The following PCDHA9 variants were observed in gnomAD, a reference collection of about 807,000 sequenced individuals.
PCDHA9 encodes protocadherin alpha-9.
A neutral mutation model predicts 62.0 loss-of-function variants in PCDHA9; 62 were observed. That is an observed-to-expected ratio of 1.00 (90% CI 0.81 to 1.23). PCDHA9 has a LOEUF of 1.23. Ranked by LOEUF, PCDHA9 falls within the 50% of genes most tolerant of loss-of-function variation. PCDHA9 has a pLI of 0.00. For missense variants in PCDHA9, 1,205 were observed against 1,249.8 expected, an observed-to-expected ratio of 0.96 and a Z score of 0.54; for synonymous variants, 557 against 567.6, an observed-to-expected ratio of 0.98 and a Z score of 0.27.
In PCDHA9 at chr5:140,848,617, A is replaced by G; in HGVS notation, c.122A>G (p.His41Arg). The G allele has an allele frequency of 4.4e-6, 7 of 1,593,554 alleles. 2 individuals carry two copies. Among genetic ancestry groups the G allele is most frequent in the Non-Finnish European group, 6.0e-6 (7 of 1,163,964 alleles). The change falls in exon 1 of 4, where the codon CAC (histidine) becomes CGC (arginine). Residue 41 changes from histidine (H) to arginine (R), a missense_variant. Coordinates refer to ENST00000532602, the MANE Select transcript of PCDHA9 (RefSeq NM_031857.2). ...LHYSVPEEAE[H>R]GTFVGRIAQD... is the part of the protein sequence containing the mutation. Reference sequence around the variant, plus strand: ...TACTCCGTCCCGGAGGAAGCCGAACACGGCACCTTCGTGGGCCGCATCGCG... The same window carrying G: ...TACTCCGTCCCGGAGGAAGCCGAACGCGGCACCTTCGTGGGCCGCATCGCG...
chr5:140,965,275 C>T (rs1280046381), intron 1 of PCDHA9, among the ~76,000 whole-genome samples: 7 of 152,158 alleles, frequency 4.6e-5, no homozygotes, highest in Non-Finnish European at 1.0e-4. Context: ...GGCAATGACA[C>T]AGCATGGAAA....
rs781977975 is a variant in PCDHA9, at chr5:140,857,750, C to G, written c.2394+6861C>G. 1.9e-6 allele frequency: 3 copies of G among 1,597,316 alleles called. No homozygotes were observed. Among genetic ancestry groups the G allele is most frequent in the Non-Finnish European group, 1.7e-6 (2 of 1,167,614 alleles). On this transcript the variant is annotated intron_variant, in intron 1 of 3. Coordinates refer to ENST00000532602, the MANE Select transcript of PCDHA9 (RefSeq NM_031857.2). ...CAACGCTCCCGCGCTGCTGGCGTCT[C>G]CCGCTGGCAGCGCGGGCGGTGCAGT...
At chr5:140,946,546 A>G (rs1418590491) in intron 1 of PCDHA9, among the ~76,000 whole-genome samples, 5 of 150,480 alleles carry the variant, frequency 3.3e-5, no homozygotes, top group Admixed American at 1.3e-4. Flanking sequence ...AGCATTATTC[A>G]TGATAGTTCA....
rs1554144591 is a variant in PCDHA9 at position 140,850,626 on chromosome 5, T to C, written c.2131T>C (p.Leu711=). 6.3e-7 allele frequency: 1 copy of C among 1,598,444 alleles called. No homozygotes were observed. The highest frequency in any genetic ancestry group is 1.3e-5 in the African/African-American group (1 of 74,356). Residue 711 remains leucine (L), a synonymous_variant, in exon 1 of 4, where the codon TTG becomes CTG. Coordinates refer to ENST00000532602, the MANE Select transcript of PCDHA9 (RefSeq NM_031857.2). ...IIAICAVSSL[L]VLTLLLYTVL... ...CGCCATCTGCGCGGTGTCTAGCCTGTTGGTTCTCACGCTGCTGCTGTACAC... is the reference window on the plus strand; with the variant it reads ...CGCCATCTGCGCGGTGTCTAGCCTGCTGGTTCTCACGCTGCTGCTGTACAC...
intron 2 of PCDHA9, among the ~76,000 whole-genome samples, chr5:140,982,129 A>G (rs2153827592): frequency 6.6e-6 from 1 of 152,376 alleles, no homozygotes; most frequent in East Asian, 1.9e-4. Context: ...TTTGAGAACA[A>G]GCCCTCCTCA....
At chr5:140,870,243 C>T (rs782592982) in intron 1 of PCDHA9, 1 of 1,614,178 alleles carries the variant, frequency 6.2e-7, no homozygotes, top group South Asian at 1.1e-5. Flanking sequence ...ACTCAGGTGT[C>T]AACGGACAGG....
intron 1 of PCDHA9, among the ~76,000 whole-genome samples, chr5:140,916,853 T>G (rs1233420106): frequency 1.3e-5 from 2 of 152,160 alleles, no homozygotes; most frequent in East Asian, 3.9e-4. Flanking sequence ...AGCCCAGCAC[T>G]AGGAGTTACC....
intron 1 of PCDHA9, chr5:140,928,032 T>C (rs369075554): frequency 6.2e-7 from 1 of 1,614,216 alleles, no homozygotes; most frequent in African/African-American, 1.3e-5. Flanking sequence ...GTGGCATGTC[T>C]AGTGCAGGCC....
At chr5:141,000,639 G>A (rs1375900945) in intron 3 of PCDHA9, among the ~76,000 whole-genome samples, 2 of 151,186 alleles carry the variant, frequency 1.3e-5, no homozygotes, top group East Asian at 1.9e-4. Flanking sequence ...TGTTGGGCAG[G>A]CTGGTCTCGA....
At chr5:140,863,619 G>T (rs929497963) in intron 1 of PCDHA9, 8 of 333,052 alleles carry the variant, frequency 2.4e-5, no homozygotes, top group South Asian at 1.3e-4. Context: ...CCCTCATAGT[G>T]ACATTGATAA....
At chr5:140,861,124 A>G (rs1426704260) in intron 1 of PCDHA9, 4 of 153,324 alleles carry the variant, frequency 2.6e-5, no homozygotes, top group African/African-American at 9.6e-5. Flanking sequence ...AACACCCATT[A>G]AGACCACTTG....
In PCDHA9 at chr5:140,858,343, G is replaced by A. The variant is rs1554151440; in HGVS notation, c.2394+7454G>A. On this transcript the variant is annotated intron_variant, in intron 1 of 3. Coordinates refer to ENST00000532602, the MANE Select transcript of PCDHA9 (RefSeq NM_031857.2). ...GTTCTGGGGAGGGCCTGCCCAAGGC[G>A]GACCTCATGGCCTTCAGCCCCAGCC... 9 of 1,594,924 alleles carry A rather than the reference G, an allele frequency of 5.6e-6. 1 individual carries two copies. The highest frequency in any genetic ancestry group is 6.9e-6 in the Non-Finnish European group (8 of 1,165,636).
chr5:140,928,550 C>A (rs781857799), intron 1 of PCDHA9: 1 of 1,614,160 alleles, frequency 6.2e-7, no homozygotes, highest in South Asian at 1.1e-5. Flanking sequence ...GACAATTATC[C>A]GGTTATCTTG....
intron 1 of PCDHA9, chr5:140,852,515 A>G (rs1258070118): frequency 9.7e-6 from 3 of 310,304 alleles, no homozygotes; most frequent in African/African-American, 6.9e-5. Flanking sequence ...TGACCTTGTG[A>G]TGCTCCCACC....
chr5:140,986,238 A>G (rs1358537911), intron 3 of PCDHA9, among the ~76,000 whole-genome samples: 1 of 152,152 alleles, frequency 6.6e-6, no homozygotes. Context: ...CCTCTGTGTG[A>G]GCAGACCCGG....
chr5:140,946,326 A>T (rs1554217498), intron 1 of PCDHA9, among the ~76,000 whole-genome samples: 1 of 151,914 alleles, frequency 6.6e-6, no homozygotes, highest in East Asian at 1.9e-4. Context: ...GAAAGAGGAA[A>T]GATAACAAGT....
At chr5:140,873,162 G>A (rs782467879) in intron 1 of PCDHA9, among the ~76,000 whole-genome samples, 21 of 152,108 alleles carry the variant, frequency 1.4e-4, no homozygotes, top group Non-Finnish European at 2.2e-4. Flanking sequence ...ACTTTAGATC[G>A]AGAGCTTTTG....
rs181817860 is a variant in PCDHA9 at position 140,866,905 on chromosome 5, C to T, written c.2394+16016C>T. The T allele has an allele frequency of 1.6e-4, 24 of 152,148 alleles. 1 individual carries two copies. The highest frequency in any genetic ancestry group is 1.4e-3 in the Admixed American group (22 of 15,284). 9.4% of individuals were successfully genotyped at this position (152,148 alleles called of 1,614,324 possible). ...CCTATACCCAGATATTAGGCTGATCCTCAAAGATGAGTTCAAAGGGCGCAT... is the reference window on the plus strand; with the variant it reads ...CCTATACCCAGATATTAGGCTGATCTTCAAAGATGAGTTCAAAGGGCGCAT... On this transcript the variant is annotated intron_variant, in intron 1 of 3. Transcript: ENST00000532602.
At chr5:140,972,829 A>T (rs1554234573) in intron 1 of PCDHA9, among the ~76,000 whole-genome samples, 2 of 151,928 alleles carry the variant, frequency 1.3e-5, no homozygotes, top group African/African-American at 4.8e-5. Flanking sequence ...ACGCCTGGCT[A>T]ATTTTTGTAT....
Sources: allele counts gnomAD v4.1 joint callset (sites outside exome capture counted in the v4.1 genomes callset), GRCh38; gene constraint gnomAD v4.1.1; transcripts MANE v1.5; gene names NCBI Gene and HGNC (gene_info 2026-07-23, HGNC 2026-07-21).